Variants in SORL1 observed in about 807,000 individuals in gnomAD.
SORL1 encodes the protein sortilin related receptor 1.
SORL1 carries 127 observed loss-of-function variants against 273.7 expected under a neutral mutation model. The ratio of observed to expected loss-of-function variants is 0.46; its 90% CI spans 0.40 to 0.54. The LOEUF (loss-of-function observed/expected upper bound fraction) is 0.54, where lower values mean the gene tolerates loss of function less well. SORL1 is among the 20% of genes least tolerant of loss of function. The pLI, the probability that SORL1 is intolerant of heterozygous loss-of-function variation, is 0.00. For missense variants in SORL1, 2,494 were observed against 2,846.1 expected (o/e 0.88, Z 2.81); for synonymous variants, 1,031 against 1,067.4 (o/e 0.97, Z 0.66).
chr11:121,486,114 C>T lies in SORL1; in HGVS notation c.529-1918C>T, dbSNP rs147160839. Among the ~76,000 whole-genome samples, 684 of 152,296 alleles carry T rather than the reference C, an allele frequency of 4.5e-3. 1 individual carries two copies. Among genetic ancestry groups the T allele is most frequent in the Middle Eastern group, 0.01 (3 of 294 alleles). On this transcript the variant is annotated intron_variant, in intron 3 of 47. Coordinates refer to ENST00000260197, the MANE Select transcript of SORL1 (RefSeq NM_003105.6). Reference sequence around the variant, plus strand: ...TGATCTGGGTCAGGTGGAGTCCATTCGAGAAAGTGTCCTTGGGCTTATCCT... The same window carrying T: ...TGATCTGGGTCAGGTGGAGTCCATTTGAGAAAGTGTCCTTGGGCTTATCCT...
chr11:121,562,767 G>GA (rs951209752), intron 21 of SORL1, among the ~76,000 whole-genome samples: 1 of 151,924 alleles, frequency 6.6e-6, no homozygotes, highest in East Asian at 1.9e-4. Flanking sequence ...AATAAGGGAG[G>GA]AAAAAAAATC....
At chr11:121,537,894 T>G (rs1178082563) in intron 12 of SORL1, among the ~76,000 whole-genome samples, 3 of 152,214 alleles carry the variant, frequency 2.0e-5, no homozygotes, top group African/African-American at 4.8e-5. Flanking sequence ...TTTCAAGTAT[T>G]TAAGGACCCT....
intron 21 of SORL1, among the ~76,000 whole-genome samples, chr11:121,560,156 A>G (rs940830480): frequency 3.3e-5 from 5 of 152,334 alleles, no homozygotes; most frequent in South Asian, 2.1e-4. Context: ...TTTTCCCACC[A>G]TGAAACCCTA....
intron 1 of SORL1, among the ~76,000 whole-genome samples, chr11:121,467,459 G>A (rs990368046): frequency 2.0e-5 from 3 of 152,300 alleles, no homozygotes; most frequent in Admixed American, 2.0e-4. Context: ...GCCAGAGGGA[G>A]CATTTTGATG....
Position 121,604,186 on chromosome 11 carries a change from G to A in SORL1, c.4520-7G>A. The A allele has an allele frequency of 6.2e-7, 1 of 1,613,876 alleles. No homozygotes were observed. The highest frequency in any genetic ancestry group is 8.5e-7 in the Non-Finnish European group (1 of 1,179,920). The stretch of plus-strand genomic sequence containing the variant: ...CCGTGGACTTAAGAAGCCTCTCTGT[G>A]TTTCAGCCACACACAGCACCTTGAC... On this transcript the variant is annotated splice_polypyrimidine_tract_variant and splice_region_variant and intron_variant, in intron 32 of 47. Coordinates refer to ENST00000260197, the MANE Select transcript of SORL1 (RefSeq NM_003105.6).
chr11:121,551,238 C>T (rs1479169083), intron 16 of SORL1, among the ~76,000 whole-genome samples: 1 of 152,194 alleles, frequency 6.6e-6, no homozygotes, highest in East Asian at 1.9e-4. Flanking sequence ...TAAGGTCACA[C>T]ATCTAGTAAG....
At chr11:121,487,823 C>G (rs1165886619) in intron 3 of SORL1, among the ~76,000 whole-genome samples, 1 of 152,220 alleles carries the variant, frequency 6.6e-6, no homozygotes, top group Admixed American at 6.5e-5. Context: ...CCTCCTTTCG[C>G]TGAGCCTTGT....
intron 6 of SORL1, among the ~76,000 whole-genome samples, chr11:121,499,182 G>C (rs1467323361): frequency 6.6e-6 from 1 of 152,080 alleles, no homozygotes; most frequent in Non-Finnish European, 1.5e-5. Flanking sequence ...TTAAATTTTT[G>C]GTACTTTTAT....
At chr11:121,468,131 G>T (rs570085974) in intron 1 of SORL1, among the ~76,000 whole-genome samples, 47 of 152,132 alleles carry the variant, frequency 3.1e-4, no homozygotes, top group Admixed American at 2.6e-4. Flanking sequence ...GGGAGGAAGC[G>T]AGAGAAGGAG....
chr11:121,502,926 GC>G (rs1861733755), intron 6 of SORL1, among the ~76,000 whole-genome samples: 1 of 152,044 alleles, frequency 6.6e-6, no homozygotes, highest in South Asian at 2.1e-4. Flanking sequence ...CTGGAGTACA[GC>G]GGAGCGATTG....
intron 6 of SORL1, among the ~76,000 whole-genome samples, chr11:121,509,723 C>T (rs1358039712): frequency 2.0e-5 from 3 of 152,156 alleles, no homozygotes; most frequent in Non-Finnish European, 4.4e-5. Context: ...GATCTGCCCA[C>T]CTCGGCCTCC....
intron 21 of SORL1, 148 bp downstream of exon 21, chr11:121,559,805 A>G (rs1428281220): frequency 4.5e-6 from 3 of 667,928 alleles, no homozygotes; most frequent in Non-Finnish European, 7.4e-6. Context: ...TCCTAATGAC[A>G]TCTTAATTTC....
At position 121,554,088 on chromosome 11, in the gene SORL1, C is replaced by T. The variant is rs1286602707; in HGVS notation, c.2418C>T (p.Asp806=). 6.8e-6 allele frequency: 11 copies of T among 1,613,978 alleles called. No homozygotes were observed. The highest frequency in any genetic ancestry group is 9.3e-6 in the Non-Finnish European group (11 of 1,179,984). ...AGCACAACTGTTTGTATTGGTCCGA[C>T]CTGGCCTTGGACGTCATCCAGGTGA... ...DYEHNCLYWS[D]LALDVIQRLC... Residue 806 remains aspartate, a synonymous_variant, in exon 17 of 48, where the codon GAC becomes GAT. Coordinates refer to ENST00000260197, the MANE Select transcript of SORL1 (RefSeq NM_003105.6). This position sits in a 1 kb window ranked among gnomAD's most constrained non-coding sequence, Gnocchi z 4.6.
intron 23 of SORL1, among the ~76,000 whole-genome samples, chr11:121,573,928 T>A (rs1466169420): frequency 2.6e-5 from 4 of 152,204 alleles, no homozygotes; most frequent in Admixed American, 2.6e-4. Flanking sequence ...GGAAGACACT[T>A]TTCGCGTCTG....
chr11:121,514,419 A>C, intron 8 of SORL1, 98 bp downstream of exon 8: 1 of 1,247,664 alleles, frequency 8.0e-7, no homozygotes. Flanking sequence ...GCCCATGTGG[A>C]TACACCCGGG....
chr11:121,531,056 C>A (rs1010308926), intron 11 of SORL1, among the ~76,000 whole-genome samples: 1 of 152,004 alleles, frequency 6.6e-6, no homozygotes, highest in African/African-American at 2.4e-5. Flanking sequence ...ATTCATTTCA[C>A]GTGTATTTTT....
chr11:121,578,179 T>A (rs1862965037), intron 25 of SORL1, among the ~76,000 whole-genome samples: 1 of 152,228 alleles, frequency 6.6e-6, no homozygotes, highest in Non-Finnish European at 1.5e-5. Flanking sequence ...GTTATTCAGT[T>A]CTGTCTTGAA....
chr11:121,484,787 TTCA>T (rs1298381245), intron 3 of SORL1, among the ~76,000 whole-genome samples: 1 of 152,202 alleles, frequency 6.6e-6, no homozygotes, highest in African/African-American at 2.4e-5. Context: ...AGGGTCTCAC[TTCA>T]TCACCCAGGC....
chr11:121,601,414 T>A (rs1381702396), intron 32 of SORL1, among the ~76,000 whole-genome samples: 3 of 150,130 alleles, frequency 2.0e-5, no homozygotes, highest in African/African-American at 4.9e-5. Context: ...ATATACCCAG[T>A]AATGGGATGG....
Sources: gnomAD v4.1 joint callset for allele counts (sites outside exome capture counted in the v4.1 genomes callset) on GRCh38, gnomAD v4.1.1 for gene constraint, Gnocchi (gnomAD v3.1) non-coding constraint, MANE v1.5 for transcripts, NCBI Gene and HGNC (gene_info 2026-07-23, HGNC 2026-07-21) for gene names.